PPP2R2B: variants seen among roughly 807,000 people sequenced by gnomAD.
PPP2R2B encodes the protein serine/threonine-protein phosphatase 2A 55 kDa regulatory subunit B beta isoform.
PPP2R2B carries 5 observed loss-of-function variants against 46.0 expected under a neutral mutation model. That is an observed-to-expected ratio of 0.11 (90% CI 0.06 to 0.23). The LOEUF (loss-of-function observed/expected upper bound fraction) is 0.23. PPP2R2B is among the 10% of genes least tolerant of loss of function. PPP2R2B has a pLI of 1.00. For missense variants in PPP2R2B, 367 were observed against 575.0 expected, an observed-to-expected ratio of 0.64 and a Z score of 3.70; for synonymous variants, 215 against 206.7, an observed-to-expected ratio of 1.04 and a Z score of -0.34.
chr5:146,749,975 A>G (rs1753453792), intron 2 of PPP2R2B, among the ~76,000 whole-genome samples: 1 of 152,116 alleles, frequency 6.6e-6, no homozygotes, highest in Non-Finnish European at 1.5e-5. Context: ...GTTCATTAAG[A>G]TTAGGTTGAG....
intron 2 of PPP2R2B, among the ~76,000 whole-genome samples, chr5:146,806,532 G>T (rs910745589): frequency 2.6e-5 from 4 of 152,158 alleles, no homozygotes; most frequent in Non-Finnish European, 5.9e-5. Flanking sequence ...TTGCTGCATG[G>T]TCTGCTATGC....
intron 2 of PPP2R2B, among the ~76,000 whole-genome samples, chr5:146,725,476 A>T (rs3851491): frequency 0.1 from 15,435 of 152,234 alleles, 914 homozygotes; most frequent in East Asian, 0.27. Context: ...GCATGCATGC[A>T]TCTAAATGTT....
chr5:146,587,525 C>T lies in PPP2R2B; in HGVS notation c.*2422G>A, dbSNP rs1249812067. On this transcript the variant is annotated 3_prime_UTR_variant, in exon 10 of 10. Coordinates refer to ENST00000394411, the MANE Select transcript of PPP2R2B (RefSeq NM_181675.4). Reference sequence around the variant, plus strand: ...TAAACTGCAAAGGGGCCTATGAACTCCTTAAACCATGACAAAAATTATTCC... The same window carrying T: ...TAAACTGCAAAGGGGCCTATGAACTTCTTAAACCATGACAAAAATTATTCC... The T allele has an allele frequency of 6.6e-6, 1 of 152,150 alleles. No homozygotes were observed. The highest frequency in any genetic ancestry group is 2.4e-5 in the African/African-American group (1 of 41,416). 9.4% of individuals were successfully genotyped at this position (152,150 alleles called of 1,614,324 possible). A position where few individuals can be genotyped will look rare whatever the true frequency, so the allele number is the denominator to read the frequency against.
intron 1 of PPP2R2B, among the ~76,000 whole-genome samples, chr5:146,889,291 T>A (rs1396782010): frequency 6.6e-6 from 1 of 152,060 alleles, no homozygotes; most frequent in Admixed American, 6.6e-5. Flanking sequence ...ATGTCTTTGT[T>A]TAGGGTGAGG....
At chr5:146,705,121 T>A (rs949215919) in intron 2 of PPP2R2B, among the ~76,000 whole-genome samples, 1 of 152,288 alleles carries the variant, frequency 6.6e-6, no homozygotes, top group African/African-American at 2.4e-5. Flanking sequence ...ATCATAGAGA[T>A]GGAAATGCAA....
intron 2 of PPP2R2B, among the ~76,000 whole-genome samples, chr5:146,769,739 C>T (rs1210610613): frequency 2.0e-5 from 3 of 152,134 alleles, no homozygotes; most frequent in Non-Finnish European, 4.4e-5. Flanking sequence ...GGCACTATCC[C>T]AAATGCTATA....
rs571089589 is a variant in PPP2R2B at position 146,777,266 on chromosome 5, A to G, written c.71-76124T>C. Among the ~76,000 whole-genome samples the G allele has an allele frequency of 2.6e-5, 4 of 152,304 alleles. No individual in the cohort carries two copies. In the East Asian group the frequency reaches 7.7e-4, roughly 29 times the overall value. On this transcript the variant is annotated intron_variant, in intron 2 of 9. Transcript: ENST00000394411. Reference sequence around the variant, plus strand: ...AACGAATAAATAAAATGTGGCGCATATGTAAATGAAATATTATCCAGCCAT... The same window carrying G: ...AACGAATAAATAAAATGTGGCGCATGTGTAAATGAAATATTATCCAGCCAT...
At chr5:146,857,165 G>T (rs1760723128) in intron 2 of PPP2R2B, among the ~76,000 whole-genome samples, 1 of 152,120 alleles carries the variant, frequency 6.6e-6, no homozygotes, top group South Asian at 2.1e-4. Context: ...ATGCTCTGGT[G>T]CAGAACAACT....
chr5:146,718,607 C>T (rs964513268), intron 2 of PPP2R2B, among the ~76,000 whole-genome samples: 6 of 152,226 alleles, frequency 3.9e-5, no homozygotes, highest in Admixed American at 2.6e-4. Flanking sequence ...ATCATATACA[C>T]GAAAACACAT....
intron 2 of PPP2R2B, among the ~76,000 whole-genome samples, chr5:146,860,692 G>A (rs1488817512): frequency 6.6e-6 from 1 of 152,170 alleles, no homozygotes; most frequent in Non-Finnish European, 1.5e-5. Flanking sequence ...CACCCTCTGT[G>A]TCAATAAACA....
chr5:147,006,209 A>G (rs1452244518), intron 1 of PPP2R2B, among the ~76,000 whole-genome samples: 1 of 152,228 alleles, frequency 6.6e-6, no homozygotes, highest in Non-Finnish European at 1.5e-5. Flanking sequence ...TTGTAGAAGC[A>G]GAGTTAGGAA....
chr5:146,958,953 A>G (rs1442478454), intron 1 of PPP2R2B, among the ~76,000 whole-genome samples: 1 of 152,212 alleles, frequency 6.6e-6, no homozygotes, highest in African/African-American at 2.4e-5. Flanking sequence ...CCATTTAGTA[A>G]GTAGTTGGAG....
At chr5:146,781,423 C>T (rs1755523821) in intron 2 of PPP2R2B, among the ~76,000 whole-genome samples, 1 of 151,320 alleles carries the variant, frequency 6.6e-6, no homozygotes, top group Non-Finnish European at 1.5e-5. Flanking sequence ...TGTCTGATGC[C>T]AACTACCCAA....
chr5:146,955,803 G>T (rs1480259483), intron 1 of PPP2R2B, among the ~76,000 whole-genome samples: 1 of 126,954 alleles, frequency 7.9e-6, no homozygotes, highest in African/African-American at 3.1e-5. Flanking sequence ...TTTTGAGACA[G>T]AGTCTTGCTC....
At chr5:147,021,148 A>C (rs1580814226) in intron 1 of PPP2R2B, among the ~76,000 whole-genome samples, 2 of 152,350 alleles carry the variant, frequency 1.3e-5, no homozygotes, top group South Asian at 2.1e-4. Flanking sequence ...TGTAGGAAAG[A>C]CATCCCTATT....
In PPP2R2B at chr5:147,030,975, G is replaced by A. The variant is rs544612344; in HGVS notation, c.79+24690C>T. On this transcript the variant is annotated intron_variant, in intron 1 of 8. Coordinates refer to the PPP2R2B transcript ENST00000336640. ...TTTATGGCCGTGCGCGGTGGCTCAC[G>A]CCTGTAATCCCAGCACTTTGAGAGG... 2.2e-4 allele frequency among the ~76,000 whole-genome samples: 33 copies of A among 152,160 alleles called. 1 individual carries two copies. In the South Asian group the frequency reaches 6.2e-3, roughly 29 times the overall value.
chr5:146,963,230 T>A (rs114159643), intron 1 of PPP2R2B, among the ~76,000 whole-genome samples: 1,774 of 152,292 alleles, frequency 0.012, 24 homozygotes, highest in Non-Finnish European at 0.02. Context: ...GTGCAGACAA[T>A]CATTGCATGA....
At chr5:146,918,791 C>T (rs969561409) in intron 1 of PPP2R2B, among the ~76,000 whole-genome samples, 1 of 152,156 alleles carries the variant, frequency 6.6e-6, no homozygotes, top group African/African-American at 2.4e-5. Flanking sequence ...CCCTTTAAGA[C>T]CTTACTATTT....
At chr5:146,805,302 T>A (rs1757110014) in intron 2 of PPP2R2B, among the ~76,000 whole-genome samples, 1 of 152,202 alleles carries the variant, frequency 6.6e-6, no homozygotes, top group African/African-American at 2.4e-5. Context: ...CCAGCAATGA[T>A]GGCATGCTGA....
Sources: gnomAD v4.1 joint callset for allele counts (sites outside exome capture counted in the v4.1 genomes callset) on GRCh38, gnomAD v4.1.1 for gene constraint, MANE v1.5 for transcripts, NCBI Gene and HGNC (gene_info 2026-07-23, HGNC 2026-07-21) for gene names.